PARD3: variants seen among roughly 807,000 people sequenced by gnomAD.
The protein encoded by PARD3 is partitioning defective 3 homolog.
PARD3 carries 75 observed loss-of-function variants against 155.4 expected under a neutral mutation model. The ratio of observed to expected loss-of-function variants is 0.48; its 90% confidence interval spans 0.40 to 0.58. The LOEUF (loss-of-function observed/expected upper bound fraction) is 0.58, where lower values mean the gene tolerates loss of function less well. Ranked by LOEUF, PARD3 falls within the 20% of genes least tolerant of loss-of-function variation. The probability of loss-of-function intolerance (pLI) is 0.00; values close to 1 mark genes in which losing one functional copy is unlikely to be tolerated. For missense variants in PARD3, 1,642 were observed against 1,721.7 expected (o/e 0.95, Z 0.82); for synonymous variants, 576 against 610.5 (o/e 0.94, Z 0.83).
chr10:34,729,619 C>T (rs994483884), intron 1 of PARD3, among the ~76,000 whole-genome samples: 2 of 151,770 alleles, frequency 1.3e-5, no homozygotes, highest in Non-Finnish European at 2.9e-5. Flanking sequence ...AAAATGGAAG[C>T]TAAACATCTA....
At chr10:34,470,372 T>C in intron 3 of PARD3, 109 bp from the exon 4 acceptor site, 1 of 796,740 alleles carries the variant, frequency 1.3e-6, no homozygotes, top group Non-Finnish European at 1.9e-6. Context: ...ATTACACTTT[T>C]GTAAAAGGGG....
intron 1 of PARD3, among the ~76,000 whole-genome samples, chr10:34,746,681 C>T (rs1028419176): frequency 1.3e-5 from 2 of 151,444 alleles, no homozygotes; most frequent in South Asian, 2.1e-4. Context: ...TTATGAAAGA[C>T]GCTCAAAAAA....
At chr10:34,393,558 A>G (rs1843036136) in intron 7 of PARD3, among the ~76,000 whole-genome samples, 1 of 151,342 alleles carries the variant, frequency 6.6e-6, no homozygotes, top group Non-Finnish European at 1.5e-5. Flanking sequence ...CAACAGAGTG[A>G]GAAGCTATCT....
intron 2 of PARD3, among the ~76,000 whole-genome samples, chr10:34,532,072 A>G (rs1344640099): frequency 6.6e-6 from 1 of 152,170 alleles, no homozygotes; most frequent in East Asian, 1.9e-4. Context: ...TTAATATTGC[A>G]TCTTTATGGT....
rs368234659 is a variant in PARD3 at position 34,279,886 on chromosome 10, T to A, written c.3176+4249A>T. On this transcript the variant is annotated intron_variant, in intron 21 of 24. Coordinates refer to ENST00000374788, the MANE Select transcript of PARD3 (RefSeq NM_001184785.2). ...TGTTTCCTAAGGAGATTTATAAATA[T>A]TCCTTCTATACTGGGAGGATTTAAT... Among the ~76,000 whole-genome samples the A allele has an allele frequency of 2.5e-4, 38 of 152,334 alleles. 1 individual carries two copies. Among genetic ancestry groups the A allele is most frequent in the African/African-American group, 8.9e-4 (37 of 41,580 alleles).
chr10:34,569,260 G>A (rs1362718090), intron 2 of PARD3, among the ~76,000 whole-genome samples: 1 of 152,020 alleles, frequency 6.6e-6, no homozygotes, highest in Non-Finnish European at 1.5e-5. Context: ...GGTTTGGGGA[G>A]GAAATGTTCA....
At chr10:34,510,016 A>G (rs1402697290) in intron 3 of PARD3, among the ~76,000 whole-genome samples, 6 of 152,222 alleles carry the variant, frequency 3.9e-5, no homozygotes, top group African/African-American at 7.2e-5. Flanking sequence ...GCTCATTGAT[A>G]TATCTATAAA....
chr10:34,723,338 T>C (rs1590820298), intron 1 of PARD3, among the ~76,000 whole-genome samples: 1 of 152,182 alleles, frequency 6.6e-6, no homozygotes, highest in Non-Finnish European at 1.5e-5. Flanking sequence ...GGTTAGAGGA[T>C]GCCTTTGATT....
intron 22 of PARD3, among the ~76,000 whole-genome samples, chr10:34,254,936 T>A (rs1954576193): frequency 1.3e-5 from 2 of 152,086 alleles, no homozygotes; most frequent in African/African-American, 4.8e-5. Flanking sequence ...CTTGACTATT[T>A]CACAGGGCTG....
chr10:34,136,971 AG>A, intron 22 of PARD3, among the ~76,000 whole-genome samples: 1 of 152,332 alleles, frequency 6.6e-6, no homozygotes, highest in South Asian at 2.1e-4. Flanking sequence ...TCCCTGTGGC[AG>A]AACAAATTGA....
intron 22 of PARD3, among the ~76,000 whole-genome samples, chr10:34,264,234 T>G (rs1588984462): frequency 6.6e-6 from 1 of 152,344 alleles, no homozygotes; most frequent in East Asian, 1.9e-4. Flanking sequence ...ACAGATGATT[T>G]TGCCCAACTG....
intron 5 of PARD3, among the ~76,000 whole-genome samples, chr10:34,436,932 CAA>C (rs1310564680): frequency 2.0e-5 from 3 of 152,004 alleles, no homozygotes; most frequent in Non-Finnish European, 4.4e-5. Flanking sequence ...CCACAAGAAA[CAA>C]ATAACTGTGG....
intron 1 of PARD3, among the ~76,000 whole-genome samples, chr10:34,726,794 G>A (rs1207375168): frequency 6.6e-6 from 1 of 151,582 alleles, no homozygotes; most frequent in Non-Finnish European, 1.5e-5. Context: ...GCGGGAGCGG[G>A]GGTCTTTTCT....
At chr10:34,235,998 T>C (rs1953208498) in intron 22 of PARD3, among the ~76,000 whole-genome samples, 1 of 152,132 alleles carries the variant, frequency 6.6e-6, no homozygotes, top group African/African-American at 2.4e-5. Context: ...AGGGTGTCAC[T>C]AGGACAATGT....
chr10:34,299,176 G>A (rs1398488219), intron 20 of PARD3, among the ~76,000 whole-genome samples: 1 of 152,212 alleles, frequency 6.6e-6, no homozygotes, highest in Non-Finnish European at 1.5e-5. Context: ...GCGAGGAGGA[G>A]CCCAGTGCCT....
intron 2 of PARD3, among the ~76,000 whole-genome samples, chr10:34,557,046 A>G (rs1026014784): frequency 1.3e-5 from 2 of 152,202 alleles, no homozygotes; most frequent in African/African-American, 4.8e-5. Context: ...CCAATAGCTC[A>G]GCAATGTTCA....
At chr10:34,790,648 T>C (rs1235759069) in intron 1 of PARD3, among the ~76,000 whole-genome samples, 8 of 152,212 alleles carry the variant, frequency 5.3e-5, no homozygotes, top group Non-Finnish European at 1.2e-4. Flanking sequence ...AAATAAGTTA[T>C]GGCTGAGTTG....
chr10:34,566,931 AT>A (rs2085996361), intron 2 of PARD3, among the ~76,000 whole-genome samples: 1 of 152,204 alleles, frequency 6.6e-6, no homozygotes, highest in Admixed American at 6.5e-5. Context: ...TGACAAGAAT[AT>A]TTCTAAAATG....
chr10:34,227,690 G>T (rs181787254), intron 22 of PARD3, among the ~76,000 whole-genome samples: 12 of 151,700 alleles, frequency 7.9e-5, no homozygotes, highest in Admixed American at 7.2e-4. Context: ...TGGTGAGGTT[G>T]TGGAGAAAAG....
Sources: gnomAD v4.1 joint callset for allele counts (sites outside exome capture counted in the v4.1 genomes callset) on GRCh38, gnomAD v4.1.1 for gene constraint, MANE v1.5 for transcripts, NCBI Gene and HGNC (gene_info 2026-07-23, HGNC 2026-07-21) for gene names.